The following ARHGAP32 variants were observed in gnomAD, a reference collection of about 807,000 sequenced individuals.
The protein encoded by ARHGAP32 is rho GTPase-activating protein 32.
Under a neutral mutation model 186.5 loss-of-function variants are expected in ARHGAP32, and 51 were observed. The observed-to-expected ratio is 0.27, with a 90% CI of 0.22 to 0.35. The LOEUF (loss-of-function observed/expected upper bound fraction) is 0.35. Among genes scored for constraint, ARHGAP32 ranks in the 10% least tolerant of loss-of-function variants. The pLI, the probability that ARHGAP32 is intolerant of heterozygous loss-of-function variation, is 1.00. For missense variants in ARHGAP32, 2,186 were observed against 2,623.5 expected (o/e 0.83, Z 3.64); for synonymous variants, 950 against 964.3 (o/e 0.99, Z 0.27).
At chr11:129,174,661 G>A (rs1302700457) in intron 1 of ARHGAP32, among the ~76,000 whole-genome samples, 2 of 152,142 alleles carry the variant, frequency 1.3e-5, no homozygotes, top group Non-Finnish European at 2.9e-5. Flanking sequence ...CTAACTGGGA[G>A]GCACCCCCAA....
chr11:129,003,732 C>T (rs939168215), intron 11 of ARHGAP32, among the ~76,000 whole-genome samples: 1 of 151,986 alleles, frequency 6.6e-6, no homozygotes, highest in Non-Finnish European at 1.5e-5. Context: ...TGCAATGTCT[C>T]CTTTTTCATA....
intron 1 of ARHGAP32, among the ~76,000 whole-genome samples, chr11:129,167,955 CCAA>C (rs1943672594): frequency 6.6e-6 from 1 of 152,098 alleles, no homozygotes; most frequent in South Asian, 2.1e-4. Context: ...GATTTAAAAA[CCAA>C]CAACTGCTGG....
intron 11 of ARHGAP32, among the ~76,000 whole-genome samples, chr11:129,028,395 G>A (rs1938957038): frequency 6.6e-6 from 1 of 152,290 alleles, no homozygotes; most frequent in South Asian, 2.1e-4. Context: ...CTGAATATAG[G>A]TAAGAAATGG....
chr11:129,171,022 T>G (rs1439732126), intron 1 of ARHGAP32, among the ~76,000 whole-genome samples: 2 of 152,214 alleles, frequency 1.3e-5, no homozygotes, highest in African/African-American at 4.8e-5. Context: ...GTTATTTATC[T>G]TTATCTTGTA....
intron 5 of ARHGAP32, among the ~76,000 whole-genome samples, chr11:129,103,671 T>C (rs1188088629): frequency 6.6e-6 from 1 of 151,628 alleles, no homozygotes; most frequent in African/African-American, 2.4e-5. Context: ...TGACTCATGG[T>C]GGAAAAGTAT....
chr11:129,081,653 CA>C (rs531186282), intron 6 of ARHGAP32, among the ~76,000 whole-genome samples: 113 of 151,750 alleles, frequency 7.4e-4, no homozygotes, highest in African/African-American at 2.5e-3. Context: ...TTATACTGAA[CA>C]GGTAAAAGTT....
intron 15 of ARHGAP32, among the ~76,000 whole-genome samples, chr11:128,982,928 T>C (rs980155699): frequency 8.0e-6 from 1 of 124,442 alleles, no homozygotes; most frequent in Non-Finnish European, 1.7e-5. Context: ...GGACAATGAA[T>C]GGGAGACAGA....
intron 6 of ARHGAP32, among the ~76,000 whole-genome samples, chr11:129,067,610 C>T (rs1940736224): frequency 6.6e-6 from 1 of 151,844 alleles, no homozygotes; most frequent in Non-Finnish European, 1.5e-5. Context: ...AGTTTATCAG[C>T]TCACACCGCA....
intron 5 of ARHGAP32, among the ~76,000 whole-genome samples, chr11:129,108,163 C>T (rs1458318595): frequency 6.6e-6 from 1 of 151,944 alleles, no homozygotes; most frequent in African/African-American, 2.4e-5. Flanking sequence ...GTAATTACTA[C>T]AAATGTAAAC....
chr11:128,980,065 G>A (rs921646020), intron 18 of ARHGAP32, among the ~76,000 whole-genome samples: 4 of 152,182 alleles, frequency 2.6e-5, no homozygotes, highest in Admixed American at 6.5e-5. Context: ...GTGACTGGAC[G>A]ACTGCACAAT....
At chr11:129,211,155 C>T (rs1419021836) in intron 1 of ARHGAP32, among the ~76,000 whole-genome samples, 2 of 152,120 alleles carry the variant, frequency 1.3e-5, no homozygotes, top group East Asian at 1.9e-4. Flanking sequence ...TATTTCTTTA[C>T]TTATTAGGAC....
intron 1 of ARHGAP32, among the ~76,000 whole-genome samples, chr11:129,266,192 G>A (rs147035416): frequency 9.8e-4 from 149 of 152,136 alleles, no homozygotes; most frequent in African/African-American, 3.4e-3. Flanking sequence ...TCATAAAAAC[G>A]GAGTTCTAGT....
At chr11:129,112,069 C>T (rs1390900057) in intron 5 of ARHGAP32, among the ~76,000 whole-genome samples, 1 of 152,066 alleles carries the variant, frequency 6.6e-6, no homozygotes, top group Admixed American at 6.6e-5. Flanking sequence ...AAGGTGAAAC[C>T]CCGTCTCTAC....
intron 13 of ARHGAP32, among the ~76,000 whole-genome samples, chr11:128,987,805 C>T (rs1383099012): frequency 2.0e-5 from 3 of 151,982 alleles, no homozygotes; most frequent in Non-Finnish European, 1.5e-5. Flanking sequence ...AGGCAAAATA[C>T]AAGTACTGAA....
intron 5 of ARHGAP32, among the ~76,000 whole-genome samples, chr11:129,110,439 A>G (rs1445800841): frequency 3.9e-5 from 6 of 152,174 alleles, no homozygotes; most frequent in Admixed American, 1.3e-4. Flanking sequence ...TTTTGGTTCC[A>G]TATAAATGTT....
At chr11:129,064,695 C>G in intron 8 of ARHGAP32, 146 bp downstream of exon 8, 2 of 584,870 alleles carry the variant, frequency 3.4e-6, no homozygotes, top group Non-Finnish European at 3.1e-6. Flanking sequence ...TTTCGTGTAT[C>G]ACGTATCTAT....
In ARHGAP32 at chr11:128,970,646, G is replaced by A. The variant is rs760254558; in HGVS notation, c.4567C>T (p.Pro1523Ser). 17 of 1,614,178 alleles carry A rather than the reference G, an allele frequency of 1.1e-5. No homozygotes were observed. Among genetic ancestry groups the A allele is most frequent in the Non-Finnish European group, 1.0e-5 (12 of 1,180,034 alleles). Residue 1523 changes from proline (P) to serine (S), a missense_variant, in exon 23 of 23, where the codon CCC (proline) becomes TCC (serine). By Grantham distance (74) the Pro-to-Ser change is moderately conservative. Transcript: ENST00000682385. The surrounding 1 kb of genome is among the most constrained non-coding windows in gnomAD (Gnocchi z 5.8). ...NCQYRPQSVP[P>S]HHNKLEQHQV... Reference sequence around the variant, plus strand: ...TGCTGCTCCAATTTATTGTGATGGGGAGGTACACTCTGGGGACGGTACTGG... The same window carrying A: ...TGCTGCTCCAATTTATTGTGATGGGAAGGTACACTCTGGGGACGGTACTGG...
At chr11:128,992,712 G>C (rs547481576) in intron 12 of ARHGAP32, among the ~76,000 whole-genome samples, 13 of 152,208 alleles carry the variant, frequency 8.5e-5, no homozygotes, top group Non-Finnish European at 1.5e-4. Flanking sequence ...GCTTGAACCT[G>C]GGAGGTGGAG....
At chr11:129,143,291 G>A (rs948786578) in intron 2 of ARHGAP32, among the ~76,000 whole-genome samples, 8 of 152,026 alleles carry the variant, frequency 5.3e-5, no homozygotes, top group Admixed American at 2.0e-4. Context: ...AATCCAATAA[G>A]TAGTCCTCCT....
Sources: gnomAD v4.1 joint callset for allele counts (sites outside exome capture counted in the v4.1 genomes callset) on GRCh38, gnomAD v4.1.1 for gene constraint, Gnocchi (gnomAD v3.1) non-coding constraint, MANE v1.5 for transcripts, NCBI Gene and HGNC (gene_info 2026-07-23, HGNC 2026-07-21) for gene names.